SLITRK3: variants seen among roughly 807,000 people sequenced by gnomAD.
SLITRK3 encodes the protein SLIT and NTRK like family member 3.
A neutral mutation model predicts 63.6 loss-of-function variants in SLITRK3; 16 were observed. The ratio of observed to expected loss-of-function variants is 0.25; its 90% CI spans 0.17 to 0.38. The LOEUF (loss-of-function observed/expected upper bound fraction) is 0.38, where lower values mean the gene tolerates loss of function less well. Among genes scored for constraint, SLITRK3 ranks in the 10% least tolerant of loss-of-function variants. The pLI, the probability that SLITRK3 is intolerant of heterozygous loss-of-function variation, is 1.00. For missense variants in SLITRK3, 1,117 were observed against 1,181.4 expected (o/e 0.95, Z 0.80); for synonymous variants, 547 against 451.6 (o/e 1.21, Z -2.68).
At position 165,190,177 on chromosome 3, in the gene SLITRK3, A is replaced by G. The variant is rs1196327773; in HGVS notation, c.654T>C (p.Asp218=). The change falls in exon 2 of 2, where the codon GAT becomes GAC. Residue 218 remains aspartate, a synonymous_variant. Transcript: ENST00000475390. Reference sequence around the variant, plus strand: ...GCTCCATCAGGCTTCTGCCAATGTGATCTAGCATTCCTCGGTAAAAAAGAA... The same window carrying G: ...GCTCCATCAGGCTTCTGCCAATGTGGTCTAGCATTCCTCGGTAAAAAAGAA... ...LKVLFYRGML[D]HIGRSLMELQ... 6.2e-7 allele frequency: 1 copy of G among 1,614,178 alleles called. No homozygotes were observed. The highest frequency in any genetic ancestry group is 1.3e-5 in the African/African-American group (1 of 75,038).
chr3:165,196,897 G>GTCTCTCTCTCTCTGTCTC (rs1718451121), upstream of SLITRK3: 2 of 96,474 alleles, frequency 2.1e-5, no homozygotes, highest in African/African-American at 3.6e-5. Context: ...CTCTCTCTCT[G>GTCTCTCTCTCTCTGTCTC]TCTCTCTCTC....
intron 1 of SLITRK3, among the ~76,000 whole-genome samples, chr3:165,191,600 A>C (rs981045770): frequency 8.5e-5 from 13 of 152,348 alleles, no homozygotes; most frequent in Middle Eastern, 3.4e-3. Context: ...TATTTAAAAC[A>C]TGTAGGAGTG....
In SLITRK3 at chr3:165,195,892, G is replaced by C. The variant is rs1228812059; in HGVS notation, c.-334C>G. 1 of 152,696 alleles carries C rather than the reference G, an allele frequency of 6.5e-6. No individual in the cohort carries two copies. The highest frequency in any genetic ancestry group is 1.5e-5 in the Non-Finnish European group (1 of 68,118). 9.5% of individuals were successfully genotyped at this position (152,696 alleles called of 1,614,324 possible). A position where few individuals can be genotyped will look rare whatever the true frequency, so the allele number is the denominator to read the frequency against. ...TATGCCCTCGATGGTTGGTAGGCAG[G>C]CAGGCAGAGTGAGTGTCCCAGGACT... On this transcript the variant is annotated 5_prime_UTR_variant, in exon 1 of 2. Coordinates refer to ENST00000475390, the MANE Select transcript of SLITRK3 (RefSeq NM_001318810.2).
Position 165,189,886 on chromosome 3 carries a change from G to A in SLITRK3, c.945C>T (p.Ser315=), listed in dbSNP as rs778044687. 58 of 1,614,050 alleles carry A rather than the reference G, an allele frequency of 3.6e-5. No homozygotes were observed. Among genetic ancestry groups the A allele is most frequent in the Non-Finnish European group, 4.9e-5 (58 of 1,180,036 alleles). Residue 315 remains serine (S), a synonymous_variant, in exon 2 of 2, where the codon TCC becomes TCT. Coordinates refer to ENST00000475390, the MANE Select transcript of SLITRK3 (RefSeq NM_001318810.2). This position sits in a 1 kb window ranked among gnomAD's most constrained non-coding sequence, Gnocchi z 4.0. ...AWPTKPSSML[S]SVHFTASSVE... is the part of the protein sequence containing the mutation. ...CAGAAGAAGCAGTAAAATGAACAGA[G>A]GATAGCATTGAGGAAGGCTTAGTTG...
rs1332175596 is a variant in SLITRK3 at position 165,188,244 on chromosome 3, G to T, written c.2587C>A (p.His863Asn). ...TGGDLAGFRH[H>N]EKNGGVVLFP... ...AGCACCACCCCACCATTTTTCTCAT[G>T]GTGGCGGAACCCTGCCAAGTCTCCC... is the stretch of plus-strand genomic sequence containing the variant. Residue 863 changes from histidine to asparagine, a missense_variant, in exon 2 of 2, where the codon CAT becomes AAT. His to Asn is a moderately conservative substitution (Grantham distance 68, BLOSUM62 1). Coordinates refer to ENST00000475390, the MANE Select transcript of SLITRK3 (RefSeq NM_001318810.2). The T allele has an allele frequency of 1.9e-6, 3 of 1,613,660 alleles. No individual in the cohort carries two copies. The highest frequency in any genetic ancestry group is 2.5e-6 in the Non-Finnish European group (3 of 1,179,926).
chr3:165,193,809 G>C (rs919925036), intron 1 of SLITRK3, among the ~76,000 whole-genome samples: 1 of 152,002 alleles, frequency 6.6e-6, no homozygotes, highest in Non-Finnish European at 1.5e-5. Flanking sequence ...GCTTTTGTCC[G>C]TTCTTTCTCT....
intron 1 of SLITRK3, among the ~76,000 whole-genome samples, chr3:165,194,358 A>T (rs1718344235): frequency 6.6e-6 from 1 of 152,200 alleles, no homozygotes; most frequent in Non-Finnish European, 1.5e-5. Flanking sequence ...CTTAAAAGTC[A>T]GTCAAAGGCA....
In SLITRK3 at chr3:165,188,827, G is replaced by A. The variant is rs1489200762; in HGVS notation, c.2004C>T (p.Val668=). The A allele has an allele frequency of 6.2e-7, 1 of 1,614,170 alleles. No individual in the cohort carries two copies. Among genetic ancestry groups the A allele is most frequent in the South Asian group, 1.1e-5 (1 of 91,086 alleles). Residue 668 remains valine (V), a synonymous_variant, in exon 2 of 2, where the codon GTC becomes GTT. Coordinates refer to ENST00000475390, the MANE Select transcript of SLITRK3 (RefSeq NM_001318810.2). ...AGGCAAAGAGGCCTGCAGCAACAAA[G>A]ACTGCTGAGAAAAACAGAACCAGCA... is the stretch of plus-strand genomic sequence containing the variant. ...LSLLVLFFSA[V]FVAAGLFAYV...
chr3:165,191,560 A>C (rs1231589654), intron 1 of SLITRK3, among the ~76,000 whole-genome samples: 1 of 152,244 alleles, frequency 6.6e-6, no homozygotes, highest in East Asian at 1.9e-4. Context: ...TAATTTAATA[A>C]ATAATTTGTA....
At position 165,195,696 on chromosome 3, in the gene SLITRK3, C is replaced by T. The variant is rs1184530816; in HGVS notation, c.-138G>A. On this transcript the variant is annotated 5_prime_UTR_variant, in exon 1 of 2. Transcript: ENST00000475390. ...ATCATACTGTAGCCTTGTAGCTTCT[C>T]CTCTTCTGGCCACCAACTTTCCGAA... 1.3e-5 allele frequency: 2 copies of T among 152,908 alleles called. No individual in the cohort carries two copies. Among genetic ancestry groups the T allele is most frequent in the South Asian group, 2.1e-4 (1 of 4,836 alleles). 9.5% of individuals were successfully genotyped at this position (152,908 alleles called of 1,614,324 possible).
Position 165,189,721 on chromosome 3 carries a change from G to C in SLITRK3, c.1110C>G (p.Pro370=), listed in dbSNP as rs759650287. 1.2e-6 allele frequency: 2 copies of C among 1,614,194 alleles called. No homozygotes were observed. Among genetic ancestry groups the C allele is most frequent in the Non-Finnish European group, 1.7e-6 (2 of 1,180,044 alleles). The change falls in exon 2 of 2, where the codon CCC becomes CCG. Residue 370 remains proline, a synonymous_variant. Coordinates refer to ENST00000475390, the MANE Select transcript of SLITRK3 (RefSeq NM_001318810.2). The surrounding 1 kb of genome is among the most constrained non-coding windows in gnomAD (Gnocchi z 4.0). ...IAPYQTRPPI[P]IICPTGCTCN... is the part of the protein sequence containing the mutation. The stretch of plus-strand genomic sequence containing the variant: ...AGGTACACCCAGTGGGGCATATAAT[G>C]GGGATTGGTGGTCTGGTCTGATAAG...
chr3:165,196,906 T>TCTCTC (rs1560057600), upstream of SLITRK3: 3 of 143,424 alleles, frequency 2.1e-5, no homozygotes, highest in African/African-American at 7.6e-5. Flanking sequence ...TGTCTCTCTC[T>TCTCTC]CTCTCTCTCT....
chr3:165,188,747 C>A lies in SLITRK3; in HGVS notation c.2084G>T (p.Gly695Val). 1 of 1,614,200 alleles carries A rather than the reference C, an allele frequency of 6.2e-7. No individual in the cohort carries two copies. The highest frequency in any genetic ancestry group is 8.5e-7 in the Non-Finnish European group (1 of 1,180,048). Residue 695 changes from glycine to valine, a missense_variant, in exon 2 of 2, where the codon GGT (glycine) becomes GTT (valine). Physicochemically the swap from Gly to Val is moderately radical, Grantham distance 109. Transcript: ENST00000475390. ...KLPFRSKRQE[G>V]VDLTGIQMQC... ...CATTTGGATGCCAGTAAGGTCCACA[C>A]CTTCCTGCCGCTTGCTTCTGAAGGG... is the stretch of plus-strand genomic sequence containing the variant.
intron 1 of SLITRK3, among the ~76,000 whole-genome samples, chr3:165,193,077 C>T (rs1488506466): frequency 1.3e-5 from 2 of 151,552 alleles, no homozygotes; most frequent in African/African-American, 4.9e-5. Flanking sequence ...GGAGCGAGCA[C>T]TAGGAACCCC....
rs1717983132 is a variant in SLITRK3, at chr3:165,187,175, GAACT to G, written c.*718_*721del. The G allele has an allele frequency of 6.5e-6, 1 of 152,858 alleles. No homozygotes were observed. Among genetic ancestry groups the G allele is most frequent in the Non-Finnish European group, 1.4e-5 (1 of 69,056 alleles). 9.5% of individuals were successfully genotyped at this position (152,858 alleles called of 1,614,324 possible). On this transcript the variant is annotated 3_prime_UTR_variant, in exon 2 of 2. Coordinates refer to ENST00000475390, the MANE Select transcript of SLITRK3 (RefSeq NM_001318810.2). ...GAGAGGAGAAAAATGGATCAAACCC[GAACT>G]AAGCAGATTGAGTTGAATGGAAATG... is the stretch of plus-strand genomic sequence containing the variant.
upstream of SLITRK3, among the ~76,000 whole-genome samples, chr3:165,196,393 A>T (rs1158765614): frequency 1.5e-5 from 2 of 130,286 alleles, no homozygotes; most frequent in African/African-American, 5.8e-5. Context: ...CTGACCGCTC[A>T]CCATTCAAGC....
rs1313094468 is a variant in SLITRK3 at position 165,187,953 on chromosome 3, G to C, written c.2878C>G (p.Leu960Val). The C allele has an allele frequency of 6.2e-7, 1 of 1,613,906 alleles. No homozygotes were observed. The highest frequency in any genetic ancestry group is 8.5e-7 in the Non-Finnish European group (1 of 1,179,980). The change falls in exon 2 of 2, where the codon CTT becomes GTT. Residue 960 changes from leucine to valine, a missense_variant. By Grantham distance (32) the Leu-to-Val change is conservative. Around this residue, in one of 4 missense-constraint regions of SLITRK3, gnomAD observed 499 missense variants for 463.6 expected, o/e 1.08. Transcript: ENST00000475390. ...TCGAGGTAATCCGGCTTGGTTTGAA[G>C]TTTGGCCCTTAACTCGAGGTAATCA... The part of the protein sequence containing the change: ...KSDYLELRAK[L>V]QTKPDYLEVL...
In SLITRK3 at chr3:165,189,671, C is replaced by T; in HGVS notation, c.1160G>A (p.Gly387Asp). ...CTCNLHINDL[G>D]LTVNCKERGF... is the part of the protein sequence containing the mutation. ...TCGCTCTTTGCAGTTGACAGTCAAG[C>T]CAAGGTCATTGATGTGCAAATTACA... The change falls in exon 2 of 2, where the codon GGC becomes GAC. Residue 387 changes from glycine (G) to aspartate (D), a missense_variant. Gly to Asp is a moderately conservative substitution (Grantham distance 94, BLOSUM62 -1). Around this residue, in one of 4 missense-constraint regions of SLITRK3, gnomAD observed 452 missense variants for 495.3 expected, o/e 0.91. Transcript: ENST00000475390. The surrounding 1 kb of genome is among the most constrained non-coding windows in gnomAD (Gnocchi z 4.0). 1 of 1,614,112 alleles carries T rather than the reference C, an allele frequency of 6.2e-7. No homozygotes were observed. The highest frequency in any genetic ancestry group is 8.5e-7 in the Non-Finnish European group (1 of 1,180,020).
At chr3:165,193,110 TG>T (rs1718298682) in intron 1 of SLITRK3, among the ~76,000 whole-genome samples, 1 of 134,310 alleles carries the variant, frequency 7.4e-6, no homozygotes, top group Non-Finnish European at 1.6e-5. Context: ...TGAGTGAGTG[TG>T]TGTGTGTGTG....
Sources: gnomAD v4.1 joint callset for allele counts (sites outside exome capture counted in the v4.1 genomes callset) on GRCh38, gnomAD v4.1.1 for gene constraint, gnomAD v4.1.1 regional missense constraint, Gnocchi (gnomAD v3.1) non-coding constraint, MANE v1.5 for transcripts, NCBI Gene and HGNC (gene_info 2026-07-23, HGNC 2026-07-21) for gene names.